MAMDC2: variants seen among roughly 807,000 people sequenced by gnomAD.
MAMDC2 encodes MAM domain-containing protein 2.
In MAMDC2, 57 loss-of-function variants were observed where a neutral mutation model predicts 89.8. The observed-to-expected ratio is 0.63, with a 90% CI of 0.51 to 0.79. The LOEUF is 0.79. MAMDC2 is among the 30% of genes least tolerant of loss of function. The pLI is 0.00. For synonymous variants in MAMDC2, 313 were observed against 293.4 expected, an observed-to-expected ratio of 1.07 and a Z score of -0.68; for missense variants, 800 against 820.6, an observed-to-expected ratio of 0.97 and a Z score of 0.31.
chr9:70,109,405 G>A (rs1184265376), intron 3 of MAMDC2: 6 of 299,876 alleles, frequency 2.0e-5, no homozygotes, highest in African/African-American at 1.1e-4. Context: ...GCTACCACAA[G>A]CACTGAAGGT....
In MAMDC2 at chr9:70,108,458, G is replaced by C. The variant is rs570506857; in HGVS notation, c.396G>C (p.Leu132Phe). 10 of 1,603,480 alleles carry C rather than the reference G, an allele frequency of 6.2e-6. No individual in the cohort carries two copies. The South Asian group carries it at 1.1e-4, about 18-fold the overall frequency. ...GCTGGCTCATAGCCAGCTTGGATTT[G>C]CAAAACAGTTCCAAGAAATTCAAGG... ...SDSWLIASLD[L>F]QNSSKKFKIL... is the part of the protein sequence containing the mutation. Residue 132 changes from leucine (L) to phenylalanine (F), a missense_variant, in exon 3 of 14, where the codon TTG (leucine) becomes TTC (phenylalanine). Physicochemically the swap from Leu to Phe is conservative, Grantham distance 22. Coordinates refer to ENST00000377182, the MANE Select transcript of MAMDC2 (RefSeq NM_153267.5).
intron 2 of MAMDC2, among the ~76,000 whole-genome samples, chr9:70,066,172 A>C (rs1043467335): frequency 6.6e-5 from 10 of 152,206 alleles, no homozygotes; most frequent in African/African-American, 2.2e-4. Flanking sequence ...GTCACAGCTC[A>C]GCAGAGACCC....
intron 2 of MAMDC2, chr9:70,071,635 G>A (rs1345322863): frequency 1.3e-5 from 2 of 152,174 alleles, no homozygotes; most frequent in Admixed American, 6.5e-5. Context: ...GCCAAAGAAA[G>A]AGTTTGCATC....
chr9:70,057,567 C>T (rs573102999), intron 2 of MAMDC2, among the ~76,000 whole-genome samples: 6 of 152,260 alleles, frequency 3.9e-5, no homozygotes, highest in African/African-American at 7.2e-5. Flanking sequence ...GGAAGTCATT[C>T]GTACTTTGGG....
At chr9:70,168,596 T>A (rs1446365793) in intron 9 of MAMDC2, 106 bp from the exon 10 acceptor site, 1 of 755,154 alleles carries the variant, frequency 1.3e-6, no homozygotes, top group Non-Finnish European at 2.3e-6. Flanking sequence ...GAAGAGCTGC[T>A]TGTAGTTTGC....
intron 11 of MAMDC2, among the ~76,000 whole-genome samples, chr9:70,204,921 T>A (rs549488244): frequency 2.0e-5 from 3 of 152,198 alleles, no homozygotes; most frequent in Non-Finnish European, 4.4e-5. Flanking sequence ...AGCTCGCGCA[T>A]GGTGCGCACA....
intron 11 of MAMDC2, among the ~76,000 whole-genome samples, chr9:70,196,839 C>A (rs2032982639): frequency 6.6e-6 from 1 of 151,934 alleles, no homozygotes; most frequent in East Asian, 1.9e-4. Flanking sequence ...AGCAAAGAAC[C>A]CAGTACTCTT....
intron 11 of MAMDC2, among the ~76,000 whole-genome samples, chr9:70,174,712 A>C (rs1369947531): frequency 7.7e-6 from 1 of 130,454 alleles, no homozygotes; most frequent in Non-Finnish European, 1.6e-5. Context: ...GTAATTAATT[A>C]GAAGGGCTTT....
intron 4 of MAMDC2, among the ~76,000 whole-genome samples, chr9:70,110,195 C>T (rs1038535464): frequency 6.6e-6 from 1 of 152,192 alleles, no homozygotes; most frequent in African/African-American, 2.4e-5. Flanking sequence ...TGGCACACCA[C>T]GGCTCTCCTC....
intron 7 of MAMDC2, among the ~76,000 whole-genome samples, chr9:70,135,896 A>G (rs1209825636): frequency 6.6e-6 from 1 of 152,132 alleles, no homozygotes; most frequent in African/African-American, 2.4e-5. Flanking sequence ...CACACCTGTA[A>G]TCCCAGCACT....
At chr9:70,044,761 T>TC (rs1826704469) in intron 2 of MAMDC2, 64 bp downstream of exon 2, 3 of 1,163,266 alleles carry the variant, frequency 2.6e-6, no homozygotes, top group Middle Eastern at 1.9e-4. Context: ...TGCTTTTTTT[T>TC]CCCACATGGG....
chr9:70,098,719 A>C (rs926901146), intron 2 of MAMDC2, among the ~76,000 whole-genome samples: 1 of 152,240 alleles, frequency 6.6e-6, no homozygotes, highest in Non-Finnish European at 1.5e-5. Flanking sequence ...AGAAAAGGAA[A>C]TATTTGGAGA....
chr9:70,224,811 T>C (rs891280533), intron 12 of MAMDC2, among the ~76,000 whole-genome samples: 4 of 152,192 alleles, frequency 2.6e-5, no homozygotes, highest in Non-Finnish European at 5.9e-5. Context: ...ACGAGTTGGA[T>C]CCTTAGCATT....
intron 11 of MAMDC2, among the ~76,000 whole-genome samples, chr9:70,175,129 T>C (rs1411245484): frequency 6.6e-6 from 1 of 152,184 alleles, no homozygotes; most frequent in African/African-American, 2.4e-5. Flanking sequence ...CTCTGGCTAC[T>C]GTGTTGAGGA....
At chr9:70,210,103 T>C (rs1233760814) in intron 11 of MAMDC2, among the ~76,000 whole-genome samples, 1 of 152,168 alleles carries the variant, frequency 6.6e-6, no homozygotes, top group Non-Finnish European at 1.5e-5. Context: ...GAGAAGAATG[T>C]ATATTCTGTC....
chr9:70,199,858 A>G (rs2033061123), intron 11 of MAMDC2, among the ~76,000 whole-genome samples: 2 of 150,616 alleles, frequency 1.3e-5, no homozygotes, highest in African/African-American at 2.4e-5. Flanking sequence ...TCTTTTGAGA[A>G]GTGTCTGTTC....
At chr9:70,146,751 G>A (rs1412296805) in intron 9 of MAMDC2, among the ~76,000 whole-genome samples, 1 of 151,702 alleles carries the variant, frequency 6.6e-6, no homozygotes. Context: ...TGGCCAACAC[G>A]GCAAAACCCC....
chr9:70,116,165 A>G (rs927522801), intron 5 of MAMDC2, among the ~76,000 whole-genome samples: 1 of 152,208 alleles, frequency 6.6e-6, no homozygotes, highest in African/African-American at 2.4e-5. Flanking sequence ...TGGGTAACCA[A>G]TGTTATGATT....
At position 70,218,426 on chromosome 9, in the gene MAMDC2, C is replaced by T. The variant is rs1190251027; in HGVS notation, c.1741C>T (p.His581Tyr). Residue 581 changes from histidine to tyrosine, a missense_variant, in exon 12 of 14, where the codon CAC (histidine) becomes TAC (tyrosine). Transcript: ENST00000377182. ...GCCTCTGCGAGGAGTCTCTGGAAAACACTGCTTGACCTTTTTCTACCACAT... is the reference window on the plus strand; with the variant it reads ...GCCTCTGCGAGGAGTCTCTGGAAAATACTGCTTGACCTTTTTCTACCACAT... ...SRPLRGVSGK[H>Y]CLTFFYHMYG... 1 of 1,614,064 alleles carries T rather than the reference C, an allele frequency of 6.2e-7. No homozygotes were observed. Among genetic ancestry groups the T allele is most frequent in the Non-Finnish European group, 8.5e-7 (1 of 1,180,040 alleles).
Sources: gnomAD v4.1 joint callset for allele counts (sites outside exome capture counted in the v4.1 genomes callset) on GRCh38, gnomAD v4.1.1 for gene constraint, MANE v1.5 for transcripts, NCBI Gene and HGNC (gene_info 2026-07-23, HGNC 2026-07-21) for gene names.